Variants in MRPS28 observed in about 807,000 individuals in gnomAD.
The protein encoded by MRPS28 is small ribosomal subunit protein bS1m.
MRPS28 carries 7 observed loss-of-function variants against 10.8 expected under a neutral mutation model. The ratio of observed to expected loss-of-function variants is 0.65; its 90% CI spans 0.37 to 1.22. The LOEUF (loss-of-function observed/expected upper bound fraction) is 1.22, where lower values mean the gene tolerates loss of function less well. MRPS28 is among the 50% of genes most tolerant of loss of function. MRPS28 has a pLI of 0.02. For synonymous variants in MRPS28, 121 were observed against 93.3 expected (o/e 1.30, Z -1.71); for missense variants, 265 against 232.9 (o/e 1.14, Z -0.90).
chr8:79,941,826 C>T (rs1231877569), intron 2 of MRPS28, among the ~76,000 whole-genome samples: 1 of 152,198 alleles, frequency 6.6e-6, no homozygotes, highest in African/African-American at 2.4e-5. Flanking sequence ...ATATTTTCCA[C>T]TGCAGTATCC....
chr8:79,959,392 T>C (rs376677689), intron 2 of MRPS28, among the ~76,000 whole-genome samples: 3 of 152,222 alleles, frequency 2.0e-5, no homozygotes, highest in Admixed American at 6.5e-5. Flanking sequence ...TATAGGAAAA[T>C]TGGCTTTTCT....
At chr8:79,945,946 C>T (rs1806903482) in intron 2 of MRPS28, among the ~76,000 whole-genome samples, 1 of 151,990 alleles carries the variant, frequency 6.6e-6, no homozygotes, top group Admixed American at 6.6e-5. Flanking sequence ...TCACAACAAC[C>T]CTATAAGGTA....
intron 1 of MRPS28, among the ~76,000 whole-genome samples, chr8:80,022,902 A>C (rs1345166866): frequency 6.6e-6 from 1 of 152,222 alleles, no homozygotes; most frequent in Non-Finnish European, 1.5e-5. Context: ...TTGGGAAGTC[A>C]TGAGTCTGAT....
chr8:79,986,492 T>C (rs1291128018), intron 2 of MRPS28, among the ~76,000 whole-genome samples: 1 of 152,218 alleles, frequency 6.6e-6, no homozygotes, highest in Non-Finnish European at 1.5e-5. Context: ...CTTGTCCCTG[T>C]TTGCAGATGA....
intron 2 of MRPS28, among the ~76,000 whole-genome samples, chr8:79,928,627 G>A (rs924479691): frequency 6.6e-5 from 10 of 151,842 alleles, no homozygotes; most frequent in African/African-American, 2.4e-4. Flanking sequence ...TTTTAGTAGA[G>A]ATGAGGTTTC....
intron 2 of MRPS28, among the ~76,000 whole-genome samples, chr8:79,996,936 T>G (rs1468023911): frequency 6.6e-6 from 1 of 152,238 alleles, no homozygotes; most frequent in African/African-American, 2.4e-5. Flanking sequence ...AATCCCTAGT[T>G]GCATGACTGC....
intron 1 of MRPS28, among the ~76,000 whole-genome samples, chr8:80,029,413 T>C (rs1242488388): frequency 1.3e-5 from 2 of 152,168 alleles, no homozygotes; most frequent in Non-Finnish European, 2.9e-5. Context: ...TGTAATTTTA[T>C]TTCTTCCATT....
At chr8:79,977,209 C>T (rs1323938213) in intron 2 of MRPS28, among the ~76,000 whole-genome samples, 2 of 152,134 alleles carry the variant, frequency 1.3e-5, no homozygotes, top group African/African-American at 2.4e-5. Flanking sequence ...GGCAAATGTA[C>T]TAAAATGAGT....
chr8:80,015,241 C>T (rs1187171834), intron 1 of MRPS28, among the ~76,000 whole-genome samples: 1 of 152,196 alleles, frequency 6.6e-6, no homozygotes, highest in Non-Finnish European at 1.5e-5. Context: ...TTTTGAAATA[C>T]ATCAGAGCAC....
intron 1 of MRPS28, among the ~76,000 whole-genome samples, chr8:80,014,523 A>G (rs1427433944): frequency 1.3e-5 from 2 of 152,186 alleles, no homozygotes; most frequent in Non-Finnish European, 2.9e-5. Context: ...CATGGCTTGA[A>G]CCTTGGCTCT....
rs145181323 is a variant in MRPS28, at chr8:79,922,572, T to C, written c.396-3424A>G. On this transcript the variant is annotated intron_variant, in intron 2 of 2. Coordinates refer to ENST00000276585, the MANE Select transcript of MRPS28 (RefSeq NM_014018.3). Reference sequence around the variant, plus strand: ...ATACATACCTCAAAATAGCATGTTATACCCAATAAATATGTACAATTTTTA... The same window carrying C: ...ATACATACCTCAAAATAGCATGTTACACCCAATAAATATGTACAATTTTTA... 1.1e-4 allele frequency among the ~76,000 whole-genome samples: 17 copies of C among 152,258 alleles called. No individual in the cohort carries two copies. The East Asian group carries it at 1.5e-3, about 14-fold the overall frequency.
chr8:79,973,276 G>A (rs1807685264), intron 2 of MRPS28, among the ~76,000 whole-genome samples: 2 of 152,206 alleles, frequency 1.3e-5, no homozygotes, highest in African/African-American at 2.4e-5. Context: ...GAAAGAGAGA[G>A]AGAGAGAGTG....
chr8:79,933,951 T>C (rs1383078865), intron 2 of MRPS28, among the ~76,000 whole-genome samples: 2 of 152,228 alleles, frequency 1.3e-5, no homozygotes, highest in African/African-American at 4.8e-5. Flanking sequence ...GCTCTCAGAT[T>C]GGACTCTCAC....
chr8:79,982,282 A>C (rs891378926), intron 2 of MRPS28, among the ~76,000 whole-genome samples: 2 of 152,330 alleles, frequency 1.3e-5, no homozygotes, highest in African/African-American at 4.8e-5. Context: ...GAGATGGTGG[A>C]GCCAAGATGG....
chr8:79,924,977 C>A (rs922174127), intron 2 of MRPS28, among the ~76,000 whole-genome samples: 3 of 152,088 alleles, frequency 2.0e-5, no homozygotes, highest in Admixed American at 6.6e-5. Context: ...TTTAGTATTG[C>A]TATGTTTTTT....
At chr8:80,015,228 C>G (rs1809163791) in intron 1 of MRPS28, among the ~76,000 whole-genome samples, 1 of 152,196 alleles carries the variant, frequency 6.6e-6, no homozygotes, top group African/African-American at 2.4e-5. Flanking sequence ...GGGAATAGAA[C>G]TATTTTGAAA....
intron 2 of MRPS28, among the ~76,000 whole-genome samples, chr8:79,952,500 G>T (rs569466594): frequency 6.6e-6 from 1 of 152,130 alleles, no homozygotes; most frequent in East Asian, 1.9e-4. Context: ...AAGAGGTAGC[G>T]ATGTTCTTAT....
chr8:79,990,233 T>C lies in MRPS28; in HGVS notation c.395+12766A>G, dbSNP rs548740136. Among the ~76,000 whole-genome samples, 43 of 152,314 alleles carry C rather than the reference T, an allele frequency of 2.8e-4. No individual in the cohort carries two copies. In the South Asian group the frequency reaches 8.7e-3, roughly 31 times the overall value. ...AACTCCTGCCCTTTGAACAGTTCTC[T>C]ACCCCACTTCCCTACGGCTGTGACC... On this transcript the variant is annotated intron_variant, in intron 2 of 2. Coordinates refer to ENST00000276585, the MANE Select transcript of MRPS28 (RefSeq NM_014018.3).
intron 2 of MRPS28, among the ~76,000 whole-genome samples, chr8:79,936,713 T>C (rs1340438619): frequency 2.0e-5 from 3 of 152,212 alleles, no homozygotes; most frequent in Admixed American, 6.5e-5. Context: ...ACAAAAATGT[T>C]AGGTTACAAA....
Sources: gnomAD v4.1 joint callset for allele counts (sites outside exome capture counted in the v4.1 genomes callset) on GRCh38, gnomAD v4.1.1 for gene constraint, MANE v1.5 for transcripts, NCBI Gene and HGNC (gene_info 2026-07-23, HGNC 2026-07-21) for gene names.